Variants in SAAL1 observed in about 807,000 individuals in gnomAD.
SAAL1 encodes the protein protein SAAL1.
In SAAL1, 42 loss-of-function variants were observed where a neutral mutation model predicts 59.8. That is an observed-to-expected ratio of 0.70 (90% CI 0.55 to 0.91). The LOEUF (loss-of-function observed/expected upper bound fraction) is 0.91, where lower values mean the gene tolerates loss of function less well. Ranked by LOEUF, SAAL1 falls within the 40% of genes least tolerant of loss-of-function variation. SAAL1 has a pLI of 0.00. For synonymous variants in SAAL1, 191 were observed against 194.3 expected (o/e 0.98, Z 0.14); for missense variants, 542 against 561.1 (o/e 0.97, Z 0.34).
At chr11:18,104,298 T>C (rs1240475448) in intron 1 of SAAL1, among the ~76,000 whole-genome samples, 1 of 152,228 alleles carries the variant, frequency 6.6e-6, no homozygotes, top group Non-Finnish European at 1.5e-5. Flanking sequence ...ATCAGCAAAG[T>C]ATCTTCTCTT....
chr11:18,089,807 T>A (rs1848502549), intron 6 of SAAL1, among the ~76,000 whole-genome samples: 1 of 152,142 alleles, frequency 6.6e-6, no homozygotes, highest in African/African-American at 2.4e-5. Flanking sequence ...CCAACACTTT[T>A]GGGAGCCCAA....
chr11:18,096,826 T>C lies in SAAL1; in HGVS notation c.278A>G (p.Asn93Ser). ...EDVALFLQEF[N>S]APDIFMGVLA... ...TACTCCCATGAATATATCAGGAGCA[T>C]TAAATTCTTGGAGAAATAAAGCCAC... Residue 93 changes from asparagine (N) to serine (S), a missense_variant, in exon 3 of 12, where the codon AAT becomes AGT. Asn to Ser is a conservative substitution (Grantham distance 46). Coordinates refer to ENST00000524803, the MANE Select transcript of SAAL1 (RefSeq NM_138421.3). The C allele has an allele frequency of 6.3e-7, 1 of 1,581,770 alleles. No homozygotes were observed. The highest frequency in any genetic ancestry group is 1.4e-5 in the African/African-American group (1 of 73,488).
At chr11:18,096,920 A>G in intron 2 of SAAL1, 66 bp from the exon 3 acceptor site, 3 of 851,310 alleles carry the variant, frequency 3.5e-6, no homozygotes, top group Non-Finnish European at 5.8e-6. Context: ...AAGCTCAGGC[A>G]ACCATAAAAT....
chr11:18,085,103 T>A (rs1848449373), intron 9 of SAAL1, among the ~76,000 whole-genome samples: 1 of 152,174 alleles, frequency 6.6e-6, no homozygotes, highest in Non-Finnish European at 1.5e-5. Context: ...TGCTTAACAA[T>A]GGAACTCTAG....
At chr11:18,100,093 T>C (rs1848619428) in intron 2 of SAAL1, among the ~76,000 whole-genome samples, 1 of 152,236 alleles carries the variant, frequency 6.6e-6, no homozygotes, top group East Asian at 1.9e-4. Flanking sequence ...TAAGAGTTCA[T>C]TTAAAACACA....
In SAAL1 at chr11:18,103,963, AACC is replaced by A. The variant is rs371958711; in HGVS notation, c.136-620_136-618del. ...TAAAGGTTGTAGTGATAATCACTACAACCACCATCACTCACTAACTCACCAAAA... is the reference window on the plus strand; with the variant it reads ...TAAAGGTTGTAGTGATAATCACTACAACCATCACTCACTAACTCACCAAAA... On this transcript the variant is annotated intron_variant, in intron 1 of 11. Coordinates refer to ENST00000524803, the MANE Select transcript of SAAL1 (RefSeq NM_138421.3). 4.5e-3 allele frequency among the ~76,000 whole-genome samples: 692 copies of A among 152,324 alleles called. 4 individuals are homozygous for A. The highest frequency in any genetic ancestry group is 0.022 in the South Asian group (105 of 4,834).
intron 9 of SAAL1, among the ~76,000 whole-genome samples, chr11:18,085,579 A>T (rs555264571): frequency 1.3e-5 from 2 of 152,316 alleles, no homozygotes; most frequent in African/African-American, 2.4e-5. Context: ...AATGTCAGAA[A>T]TTTTTTGTTT....
In SAAL1 at chr11:18,090,430, A is replaced by G. The variant is rs757542744; in HGVS notation, c.473+4T>C. The G allele has an allele frequency of 1.2e-5, 19 of 1,605,690 alleles. No homozygotes were observed. The highest frequency in any genetic ancestry group is 1.5e-5 in the Non-Finnish European group (18 of 1,178,064). On this transcript the variant is annotated splice_donor_region_variant and intron_variant, in intron 5 of 11. Coordinates refer to ENST00000524803, the MANE Select transcript of SAAL1 (RefSeq NM_138421.3). ...TTATAGAATTCATAAAAGGAAAAGC[A>G]TACCTGCTTGTTTCCAGCAGAGTAG...
At chr11:18,091,329 C>T (rs538946867) in intron 4 of SAAL1, among the ~76,000 whole-genome samples, 94 of 152,316 alleles carry the variant, frequency 6.2e-4, no homozygotes, top group African/African-American at 2.2e-3. Context: ...AAGCATTTAA[C>T]TGAATTTATA....
chr11:18,083,730 T>C lies in SAAL1; in HGVS notation c.1044A>G (p.Val348=), dbSNP rs992003555. ...TEQEYLKIEK[V]DLPLIDSLIR... ...TGAGGCTGTCAATTAGAGGAAGATC[T>C]ACTGTATAAACAAATCAAGAAGCAT... The change falls in exon 10 of 12, where the codon GTA becomes GTG. Residue 348 remains valine (V), a splice_region_variant and synonymous_variant. Transcript: ENST00000524803. The C allele has an allele frequency of 1.9e-6, 3 of 1,600,292 alleles. No homozygotes were observed. The highest frequency in any genetic ancestry group is 1.7e-5 in the Admixed American group (1 of 58,050).
chr11:18,099,196 C>T (rs1590291099), intron 2 of SAAL1, among the ~76,000 whole-genome samples: 1 of 152,320 alleles, frequency 6.6e-6, no homozygotes, highest in East Asian at 1.9e-4. Flanking sequence ...TAGCTCACTG[C>T]AGCCTCCAAC....
At chr11:18,081,734 T>C (rs557934934) in intron 10 of SAAL1, 121 of 461,962 alleles carry the variant, frequency 2.6e-4, no homozygotes, top group African/African-American at 2.2e-3. Flanking sequence ...GACTACAAAC[T>C]TGGAACACAG....
rs780589061 is a variant in SAAL1, at chr11:18,089,385, C to G, written c.715G>C (p.Glu239Gln). 6.2e-7 allele frequency: 1 copy of G among 1,605,476 alleles called. No homozygotes were observed. Among genetic ancestry groups the G allele is most frequent in the Admixed American group, 1.7e-5 (1 of 57,236 alleles). Reference protein sequence around the residue: ...PLDQPQEESEEQPVFRLVPCI... With the variant: ...PLDQPQEESEQQPVFRLVPCI... Reference sequence around the variant, plus strand: ...GGCACAAGCCGAAACACTGGCTGCTCTTCAGACTCTTCCTGGGGTTGGTCC... The same window carrying G: ...GGCACAAGCCGAAACACTGGCTGCTGTTCAGACTCTTCCTGGGGTTGGTCC... The change falls in exon 7 of 12, where the codon GAG (glutamate) becomes CAG (glutamine). Residue 239 changes from glutamate (E) to glutamine (Q), a missense_variant. By Grantham distance (29) the Glu-to-Gln change is conservative. Coordinates refer to ENST00000524803, the MANE Select transcript of SAAL1 (RefSeq NM_138421.3).
intron 3 of SAAL1, among the ~76,000 whole-genome samples, chr11:18,095,949 G>A (rs1848571114): frequency 6.6e-6 from 1 of 152,232 alleles, no homozygotes; most frequent in Non-Finnish European, 1.5e-5. Flanking sequence ...GAGACAGGGA[G>A]TAGAAAGGTC....
Position 18,106,000 on chromosome 11 carries a change from C to T in SAAL1, c.42G>A (p.Lys14=). The T allele has an allele frequency of 1.2e-6, 2 of 1,608,834 alleles. No individual in the cohort carries two copies. The highest frequency in any genetic ancestry group is 1.7e-6 in the Non-Finnish European group (2 of 1,178,318). The change falls in exon 1 of 12, where the codon AAG becomes AAA. Residue 14 remains lysine (K), a synonymous_variant. Coordinates refer to ENST00000524803, the MANE Select transcript of SAAL1 (RefSeq NM_138421.3). Reference sequence around the variant, plus strand: ...CACCGGCCACCTCCTCCTCCTCCTCCTTGTCGCGACCCGGCGGCGGCGGCG... The same window carrying T: ...CACCGGCCACCTCCTCCTCCTCCTCTTTGTCGCGACCCGGCGGCGGCGGCG... The part of the protein sequence containing the change: ...NPSPPPPGRD[K]EEEEEVAGGD...
At chr11:18,092,221 A>C in intron 4 of SAAL1, 24 bp downstream of exon 4, 1 of 1,233,360 alleles carries the variant, frequency 8.1e-7, no homozygotes, top group Non-Finnish European at 1.2e-6. Flanking sequence ...ATATTAAAAA[A>C]CATAATTATA....
chr11:18,104,250 A>G (rs1321514666), intron 1 of SAAL1, among the ~76,000 whole-genome samples: 1 of 152,198 alleles, frequency 6.6e-6, no homozygotes, highest in Admixed American at 6.5e-5. Flanking sequence ...ACTTACTTTA[A>G]TATTAACCCA....
rs1222772731 is a variant in SAAL1, at chr11:18,080,325, C to T, written c.*74G>A. On this transcript the variant is annotated 3_prime_UTR_variant, in exon 12 of 12. Transcript: ENST00000524803. ...TAATATGGGCTTTAGTTAATATTTCCAATAAGTCAATTTCAACTGTCAGTG... is the reference window on the plus strand; with the variant it reads ...TAATATGGGCTTTAGTTAATATTTCTAATAAGTCAATTTCAACTGTCAGTG... The T allele has an allele frequency of 5.3e-6, 5 of 943,530 alleles. No homozygotes were observed. Among genetic ancestry groups the T allele is most frequent in the Non-Finnish European group, 8.2e-6 (5 of 612,652 alleles). 58.4% of individuals were successfully genotyped at this position (943,530 alleles called of 1,614,324 possible).
rs561340902 is a variant in SAAL1 at position 18,092,133 on chromosome 11, T to A, written c.413+112A>T. 2.9e-4 allele frequency: 174 copies of A among 606,490 alleles called. 1 individual carries two copies. Among genetic ancestry groups the A allele is most frequent in the Non-Finnish European group, 4.4e-4 (152 of 344,534 alleles). 37.6% of individuals were successfully genotyped at this position (606,490 alleles called of 1,614,324 possible). A position where few individuals can be genotyped will look rare whatever the true frequency, so the allele number is the denominator to read the frequency against. On this transcript the variant is annotated intron_variant, in intron 4 of 11. Coordinates refer to ENST00000524803, the MANE Select transcript of SAAL1 (RefSeq NM_138421.3). ...CAATGAAGTTCCCACAGAGTGTTCA[T>A]CAAGACAAAGAAAGGACTGTCTTTC...
Sources: allele counts gnomAD v4.1 joint callset (sites outside exome capture counted in the v4.1 genomes callset), GRCh38; gene constraint gnomAD v4.1.1; transcripts MANE v1.5; gene names NCBI Gene and HGNC (gene_info 2026-07-23, HGNC 2026-07-21).